The following SMOC2 variants were observed in gnomAD, a reference collection of about 807,000 sequenced individuals.
The protein encoded by SMOC2 is SPARC-related modular calcium-binding protein 2.
A neutral mutation model predicts 61.4 loss-of-function variants in SMOC2; 39 were observed. That is an observed-to-expected ratio of 0.64 (90% CI 0.49 to 0.83). SMOC2 has a LOEUF of 0.83. SMOC2 is among the 40% of genes least tolerant of loss of function. SMOC2 has a pLI of 0.00. For synonymous variants in SMOC2, 247 were observed against 239.9 expected (o/e 1.03, Z -0.27); for missense variants, 556 against 592.9 (o/e 0.94, Z 0.65).
intron 1 of SMOC2, among the ~76,000 whole-genome samples, chr6:168,471,735 TTTTA>T (rs1247749816): frequency 6.6e-6 from 1 of 152,250 alleles, no homozygotes; most frequent in Non-Finnish European, 1.5e-5. Flanking sequence ...TCTTTCTCTT[TTTTA>T]TTTGTCTATG....
At chr6:168,595,150 C>G (rs369651995) in intron 7 of SMOC2, among the ~76,000 whole-genome samples, 36 of 126,602 alleles carry the variant, frequency 2.8e-4, no homozygotes, top group African/African-American at 1.0e-3. Context: ...CAAGGGGCAT[C>G]TTTCTAGAGG....
intron 1 of SMOC2, among the ~76,000 whole-genome samples, chr6:168,471,391 C>T (rs1562544931): frequency 6.6e-6 from 1 of 152,180 alleles, no homozygotes; most frequent in Non-Finnish European, 1.5e-5. Context: ...CCTCAAGGTT[C>T]ATTCATGCGG....
At chr6:168,479,481 A>G (rs892298041) in intron 1 of SMOC2, among the ~76,000 whole-genome samples, 6 of 152,370 alleles carry the variant, frequency 3.9e-5, no homozygotes, top group African/African-American at 2.4e-5. Context: ...TGCACTGGCA[A>G]AATCTTTCTG....
At chr6:168,529,547 C>T (rs1783537142) in intron 4 of SMOC2, among the ~76,000 whole-genome samples, 1 of 152,220 alleles carries the variant, frequency 6.6e-6, no homozygotes, top group Non-Finnish European at 1.5e-5. Context: ...CTCTCTTAAT[C>T]CCTGGCTGTG....
intron 10 of SMOC2, among the ~76,000 whole-genome samples, chr6:168,651,642 C>T (rs945705414): frequency 5.3e-5 from 8 of 152,136 alleles, no homozygotes; most frequent in Non-Finnish European, 7.3e-5. Context: ...TTTTTGGTCT[C>T]CTGAACTAAA....
chr6:168,473,587 A>G (rs1562546056), intron 1 of SMOC2, among the ~76,000 whole-genome samples: 2 of 152,094 alleles, frequency 1.3e-5, no homozygotes, highest in Non-Finnish European at 2.9e-5. Flanking sequence ...GACTTTTGGA[A>G]GCGCATTGAA....
At chr6:168,599,094 A>C in intron 8 of SMOC2, 90 bp downstream of exon 8, 2 of 1,150,302 alleles carry the variant, frequency 1.7e-6, no homozygotes, top group Non-Finnish European at 2.4e-6. Flanking sequence ...CCCCCAACAC[A>C]CACCGACACA....
At chr6:168,619,892 C>G (rs1017153371) in intron 9 of SMOC2, among the ~76,000 whole-genome samples, 1 of 152,264 alleles carries the variant, frequency 6.6e-6, no homozygotes, top group Non-Finnish European at 1.5e-5. Context: ...TTTACACGCT[C>G]TGTGTCTTGT....
Position 168,602,821 on chromosome 6 carries a change from T to C in SMOC2, c.824+3817T>C, listed in dbSNP as rs1490776347. 2.6e-5 allele frequency among the ~76,000 whole-genome samples: 4 copies of C among 152,278 alleles called. No individual in the cohort carries two copies. In the South Asian group the frequency reaches 8.3e-4, roughly 32 times the overall value. ...GTCAGGGTGCCGGCACAGGCCTCTC[T>C]AGGGCCGAGATGCTGGAGGCAGTTG... On this transcript the variant is annotated intron_variant, in intron 8 of 12. Transcript: ENST00000356284.
chr6:168,555,209 G>T (rs1182912565), intron 7 of SMOC2, among the ~76,000 whole-genome samples: 2 of 152,194 alleles, frequency 1.3e-5, no homozygotes, highest in Admixed American at 1.3e-4. Flanking sequence ...TTAGCCAGCC[G>T]GGATGAGACT....
At chr6:168,518,783 G>GA (rs1783225131) in intron 2 of SMOC2, among the ~76,000 whole-genome samples, 1 of 151,572 alleles carries the variant, frequency 6.6e-6, no homozygotes, top group African/African-American at 2.4e-5. Flanking sequence ...GTGCATGTGT[G>GA]AAAGCATGTA....
At chr6:168,449,892 T>C (rs1272978899) in intron 1 of SMOC2, among the ~76,000 whole-genome samples, 1 of 152,214 alleles carries the variant, frequency 6.6e-6, no homozygotes, top group Non-Finnish European at 1.5e-5. Flanking sequence ...CACTGTGAAA[T>C]GGCCGCATCA....
chr6:168,627,869 T>A (rs78557399), intron 9 of SMOC2, among the ~76,000 whole-genome samples: 5,577 of 152,254 alleles, frequency 0.037, 374 homozygotes, highest in African/African-American at 0.13. Context: ...CAAGCCCAGC[T>A]AAGCGGAGGA....
chr6:168,569,511 G>T (rs1784617911), intron 7 of SMOC2, among the ~76,000 whole-genome samples: 1 of 152,122 alleles, frequency 6.6e-6, no homozygotes, highest in South Asian at 2.1e-4. Flanking sequence ...TGCAATCATG[G>T]TTCACTGCAA....
chr6:168,564,933 T>C (rs1784509615), intron 7 of SMOC2, among the ~76,000 whole-genome samples: 1 of 152,246 alleles, frequency 6.6e-6, no homozygotes, highest in African/African-American at 2.4e-5. Flanking sequence ...ATTTTTTCCT[T>C]CAGTCTTGAA....
chr6:168,636,921 TCCTCCCCCCTCCCCA>T (rs869308398), intron 9 of SMOC2, among the ~76,000 whole-genome samples: 39 of 52,112 alleles, frequency 7.5e-4, no homozygotes, highest in African/African-American at 3.2e-3. Context: ...CCCTCCTCCC[TCCTCCCCCCTCCCCA>T]CCTCCCTCTT....
chr6:168,663,922 A>C (rs1044644512), intron 11 of SMOC2, 152 bp from the exon 12 acceptor site: 59 of 625,394 alleles, frequency 9.4e-5, no homozygotes, highest in Admixed American at 8.7e-5. Flanking sequence ...GATACTGAGG[A>C]ATGACTGTAT....
chr6:168,571,870 C>T (rs1784675963), intron 7 of SMOC2, among the ~76,000 whole-genome samples: 1 of 132,596 alleles, frequency 7.5e-6, no homozygotes, highest in African/African-American at 2.9e-5. Context: ...ATTTCCTCCC[C>T]GCATCCCCGG....
At chr6:168,471,424 C>G (rs1221301112) in intron 1 of SMOC2, among the ~76,000 whole-genome samples, 1 of 152,218 alleles carries the variant, frequency 6.6e-6, no homozygotes, top group East Asian at 1.9e-4. Context: ...GCATTTCCTT[C>G]TTTTCCAAGG....
Sources: gnomAD v4.1 joint callset for allele counts (sites outside exome capture counted in the v4.1 genomes callset) on GRCh38, gnomAD v4.1.1 for gene constraint, MANE v1.5 for transcripts, NCBI Gene and HGNC (gene_info 2026-07-23, HGNC 2026-07-21) for gene names.